The following MOB3B variants were observed in gnomAD, a reference collection of about 807,000 sequenced individuals.
The protein encoded by MOB3B is MOB kinase activator 3B.
A neutral mutation model predicts 18.7 loss-of-function variants in MOB3B; 7 were observed. The observed-to-expected ratio is 0.37, with a 90% CI of 0.21 to 0.70. The LOEUF is 0.70. Among genes scored for constraint, MOB3B ranks in the 30% least tolerant of loss-of-function variants. The pLI is 0.52. For synonymous variants in MOB3B, 111 were observed against 99.9 expected, an observed-to-expected ratio of 1.11 and a Z score of -0.66; for missense variants, 253 against 281.3, an observed-to-expected ratio of 0.90 and a Z score of 0.72.
At chr9:27,438,209 A>G (rs1822541318) in intron 2 of MOB3B, among the ~76,000 whole-genome samples, 2 of 152,252 alleles carry the variant, frequency 1.3e-5, no homozygotes, top group South Asian at 4.1e-4. Flanking sequence ...GCATGGGCAA[A>G]GGAGCAGAGA....
intron 2 of MOB3B, among the ~76,000 whole-genome samples, chr9:27,392,025 C>T (rs1440847055): frequency 6.6e-6 from 1 of 152,150 alleles, no homozygotes; most frequent in Non-Finnish European, 1.5e-5. Flanking sequence ...ATATCAGATT[C>T]AATGCCTTTC....
intron 1 of MOB3B, chr9:27,524,488 T>C (rs1290922853): frequency 6.2e-7 from 1 of 1,614,148 alleles, no homozygotes; most frequent in Non-Finnish European, 8.5e-7. Context: ...CTGAGTAGTA[T>C]GAGCAATTCA....
At chr9:27,420,954 T>C (rs1375900595) in intron 2 of MOB3B, 1 of 135,478 alleles carries the variant, frequency 7.4e-6, no homozygotes, top group Non-Finnish European at 1.6e-5. Context: ...AAAAAGAAAA[T>C]AGAAAGGTCA....
intron 3 of MOB3B, among the ~76,000 whole-genome samples, chr9:27,343,016 C>G (rs947957363): frequency 2.6e-5 from 4 of 151,518 alleles, no homozygotes; most frequent in African/African-American, 7.3e-5. Flanking sequence ...GCCATGATGA[C>G]GATGGTGGTT....
rs1821312896 is a variant in MOB3B, at chr9:27,364,207, G to A, written c.419-4971C>T. 2.0e-5 allele frequency among the ~76,000 whole-genome samples: 3 copies of A among 152,216 alleles called. No individual in the cohort carries two copies. The South Asian group carries it at 6.2e-4, about 32-fold the overall frequency. On this transcript the variant is annotated intron_variant, in intron 2 of 3. Transcript: ENST00000262244. ...AATGGCATCCTGGACCTGGGGAGCT[G>A]TGCATGGCTGGGTCTGAGCAAAGGG...
chr9:27,405,474 G>A (rs914381339), intron 2 of MOB3B, among the ~76,000 whole-genome samples: 8 of 152,034 alleles, frequency 5.3e-5, no homozygotes, highest in African/African-American at 1.9e-4. Flanking sequence ...ATATATTTTG[G>A]TTATTAATCC....
At chr9:27,457,965 G>A (rs1416179483) in intron 1 of MOB3B, among the ~76,000 whole-genome samples, 1 of 152,114 alleles carries the variant, frequency 6.6e-6, no homozygotes, top group Non-Finnish European at 1.5e-5. Context: ...GGTTTTAGAA[G>A]GAAATTTCCA....
intron 2 of MOB3B, among the ~76,000 whole-genome samples, chr9:27,417,263 C>T (rs1344153633): frequency 6.6e-6 from 1 of 152,190 alleles, no homozygotes; most frequent in Non-Finnish European, 1.5e-5. Context: ...ACTCGGGAGG[C>T]TGAGGCAGGA....
At position 27,359,119 on chromosome 9, in the gene MOB3B, T is replaced by C; in HGVS notation, c.536A>G (p.Glu179Gly). 6.2e-7 allele frequency: 1 copy of C among 1,614,148 alleles called. No individual in the cohort carries two copies. The highest frequency in any genetic ancestry group is 8.5e-7 in the Non-Finnish European group (1 of 1,180,030). The stretch of plus-strand genomic sequence containing the variant: ...TTTGTAGCAGGTGTTGACATGGGCC[T>C]CTGCACCCATCACAATGACCCGGTC... ...HFDRVIVMGA[E>G]AHVNTCYKHF... Residue 179 changes from glutamate (E) to glycine (G), a missense_variant, in exon 3 of 4, where the codon GAG becomes GGG. Glu to Gly is a moderately conservative substitution (Grantham distance 98, BLOSUM62 -2). Coordinates refer to ENST00000262244, the MANE Select transcript of MOB3B (RefSeq NM_024761.5).
At chr9:27,383,067 A>G (rs745709131) in intron 2 of MOB3B, among the ~76,000 whole-genome samples, 2 of 152,206 alleles carry the variant, frequency 1.3e-5, no homozygotes, top group African/African-American at 2.4e-5. Context: ...ATAGACACTT[A>G]TTGTGTGGCA....
At chr9:27,478,225 T>C (rs568366395) in intron 1 of MOB3B, among the ~76,000 whole-genome samples, 1 of 152,204 alleles carries the variant, frequency 6.6e-6, no homozygotes, top group Admixed American at 6.5e-5. Context: ...TTTTCATAAC[T>C]CAGGACCTAC....
chr9:27,446,848 G>A (rs118048878), intron 2 of MOB3B, among the ~76,000 whole-genome samples: 2,854 of 152,206 alleles, frequency 0.019, 39 homozygotes, highest in Non-Finnish European at 0.028. Flanking sequence ...TTCAAACTCA[G>A]GTCTAACAGA....
chr9:27,458,863 A>C (rs904146731), intron 1 of MOB3B, among the ~76,000 whole-genome samples: 1 of 152,086 alleles, frequency 6.6e-6, no homozygotes, highest in Non-Finnish European at 1.5e-5. Flanking sequence ...TCCATTTTAC[A>C]GACAAGGAAA....
At chr9:27,492,781 T>C (rs2643802) in intron 1 of MOB3B, among the ~76,000 whole-genome samples, 139,310 of 152,022 alleles carry the variant, frequency 0.92, 64,776 homozygotes, top group East Asian at 1. Flanking sequence ...TTCAGGGATA[T>C]GTCTCCAATG....
intron 1 of MOB3B, among the ~76,000 whole-genome samples, chr9:27,457,616 C>A (rs987221009): frequency 6.6e-6 from 1 of 152,172 alleles, no homozygotes; most frequent in Non-Finnish European, 1.5e-5. Context: ...TGGCTCTCTG[C>A]CTGCTCACTT....
chr9:27,440,692 G>T (rs1396823364), intron 2 of MOB3B, among the ~76,000 whole-genome samples: 1 of 151,946 alleles, frequency 6.6e-6, no homozygotes, highest in Non-Finnish European at 1.5e-5. Context: ...AGCTCATTAG[G>T]TTAGGGTGAA....
chr9:27,466,058 A>C (rs1819378525), intron 1 of MOB3B, among the ~76,000 whole-genome samples: 1 of 152,172 alleles, frequency 6.6e-6, no homozygotes, highest in South Asian at 2.1e-4. Context: ...TTTCTCCTCA[A>C]AAAATGGGTT....
chr9:27,421,230 A>G (rs1195043839), intron 2 of MOB3B: 3 of 152,406 alleles, frequency 2.0e-5, no homozygotes, highest in Non-Finnish European at 4.4e-5. Context: ...AGCTGGGATT[A>G]CAGGCACATG....
intron 1 of MOB3B, among the ~76,000 whole-genome samples, chr9:27,485,396 G>A (rs117824963): frequency 2.0e-3 from 300 of 152,260 alleles, no homozygotes; most frequent in Non-Finnish European, 3.5e-3. Flanking sequence ...TGGCTCTAAA[G>A]CCTATTTCCT....
Sources: allele counts gnomAD v4.1 joint callset (sites outside exome capture counted in the v4.1 genomes callset), GRCh38; gene constraint gnomAD v4.1.1; transcripts MANE v1.5; gene names NCBI Gene and HGNC (gene_info 2026-07-23, HGNC 2026-07-21).